LRRIQ1: variants seen among roughly 807,000 people sequenced by gnomAD.
LRRIQ1 encodes the protein leucine rich repeats and IQ motif containing 1.
In LRRIQ1, 210 loss-of-function variants were observed where a neutral mutation model predicts 211.9. The ratio of observed to expected loss-of-function variants is 0.99; its 90% CI spans 0.89 to 1.11. LRRIQ1 has a LOEUF of 1.11. Among genes scored for constraint, LRRIQ1 ranks in the 50% most tolerant of loss-of-function variants. The pLI, the probability that LRRIQ1 is intolerant of heterozygous loss-of-function variation, is 0.00. For synonymous variants in LRRIQ1, 699 were observed against 650.1 expected (o/e 1.08, Z -1.14); for missense variants, 2,136 against 1,939.5 (o/e 1.10, Z -1.90).
At chr12:85,240,543 G>A (rs902938147) in intron 26 of LRRIQ1, among the ~76,000 whole-genome samples, 2 of 151,964 alleles carry the variant, frequency 1.3e-5, no homozygotes, top group Non-Finnish European at 2.9e-5. Context: ...ACAAAAAACT[G>A]TACATAAACT....
At chr12:85,198,003 A>T (rs1565898569) in intron 24 of LRRIQ1, among the ~76,000 whole-genome samples, 1 of 59,214 alleles carries the variant, frequency 1.7e-5, no homozygotes, top group East Asian at 3.5e-4. Context: ...TATATATAAC[A>T]TATATAATAT....
rs1052409276 is a variant in LRRIQ1 at position 85,163,940 on chromosome 12, C to T, written c.4822+3226C>T. On this transcript the variant is annotated intron_variant, in intron 24 of 26. Coordinates refer to ENST00000393217, the MANE Select transcript of LRRIQ1 (RefSeq NM_001079910.2). ...TGACCACGCCTGTCCCCAGAGTCAC[C>T]TCATATATGTGCCATGTGTCACCTA... Among the ~76,000 whole-genome samples the T allele has an allele frequency of 1.1e-4, 17 of 152,154 alleles. No individual in the cohort carries two copies. The East Asian group carries it at 3.1e-3, about 28-fold the overall frequency.
chr12:85,231,917 A>G (rs1235902950), intron 25 of LRRIQ1, among the ~76,000 whole-genome samples: 1 of 152,198 alleles, frequency 6.6e-6, no homozygotes, highest in African/African-American at 2.4e-5. Context: ...CATAAGAGAA[A>G]GCATCCTTAG....
intron 24 of LRRIQ1, among the ~76,000 whole-genome samples, chr12:85,176,856 A>G (rs1453535833): frequency 2.0e-5 from 3 of 152,252 alleles, no homozygotes; most frequent in East Asian, 1.9e-4. Context: ...GCATTAAATT[A>G]CTTATGCCTA....
At chr12:85,190,028 A>G (rs1341353530) in intron 24 of LRRIQ1, among the ~76,000 whole-genome samples, 3 of 141,904 alleles carry the variant, frequency 2.1e-5, no homozygotes, top group Admixed American at 7.3e-5. Flanking sequence ...TTTTAATTAT[A>G]TATAATATAT....
At position 85,153,676 on chromosome 12, in the gene LRRIQ1, A is replaced by G. The variant is rs750245091; in HGVS notation, c.4555A>G (p.Thr1519Ala). 6.3e-7 allele frequency: 1 copy of G among 1,582,394 alleles called. No individual in the cohort carries two copies. The highest frequency in any genetic ancestry group is 8.6e-7 in the Non-Finnish European group (1 of 1,166,954). ...TTCTATTGCCAGATCAGAAAATAAA[A>G]CTTCTTCCTGGACACCTGAATCAAA... ...TQFNSRSENKTSSWTPESKTS... is the reference protein window; with the variant it reads ...TQFNSRSENKASSWTPESKTS... Residue 1519 changes from threonine to alanine, a missense_variant, in exon 22 of 27, where the codon ACT becomes GCT. Thr to Ala is a moderately conservative substitution (Grantham distance 58, BLOSUM62 0). Transcript: ENST00000393217.
chr12:85,135,546 G>A (rs925248922), intron 18 of LRRIQ1, among the ~76,000 whole-genome samples: 1 of 151,592 alleles, frequency 6.6e-6, no homozygotes, highest in African/African-American at 2.4e-5. Context: ...GTTATCCTAA[G>A]GTACAGTTCA....
chr12:85,154,025 A>G lies in LRRIQ1; in HGVS notation c.4651A>G (p.Ile1551Val), dbSNP rs1182305768. Residue 1551 changes from isoleucine to valine, a missense_variant, in exon 23 of 27, where the codon ATT becomes GTT. Physicochemically the swap from Ile to Val is conservative, Grantham distance 29. Coordinates refer to ENST00000393217, the MANE Select transcript of LRRIQ1 (RefSeq NM_001079910.2). ...KISEEWGFKDISTAQQMLKRA... is the reference protein window; with the variant it reads ...KISEEWGFKDVSTAQQMLKRA... ...ATCTTTTAATAGGGGCTTTAAGGATATTTCTACTGCTCAGCAAATGTTGAA... is the reference window on the plus strand; with the variant it reads ...ATCTTTTAATAGGGGCTTTAAGGATGTTTCTACTGCTCAGCAAATGTTGAA... 1.3e-6 allele frequency: 2 copies of G among 1,561,416 alleles called. No individual in the cohort carries two copies. The highest frequency in any genetic ancestry group is 1.7e-6 in the Non-Finnish European group (2 of 1,156,048).
chr12:85,062,015 T>C, intron 8 of LRRIQ1, among the ~76,000 whole-genome samples: 1 of 151,964 alleles, frequency 6.6e-6, no homozygotes, highest in East Asian at 1.9e-4. Flanking sequence ...TACATAAATA[T>C]GTAAATTTAA....
At position 85,124,493 on chromosome 12, in the gene LRRIQ1, C is replaced by T. The variant is rs1888227074; in HGVS notation, c.3981C>T (p.His1327=). 6.2e-7 allele frequency: 1 copy of T among 1,612,514 alleles called. No individual in the cohort carries two copies. The highest frequency in any genetic ancestry group is 8.5e-7 in the Non-Finnish European group (1 of 1,179,712). ...TGACAAATTCTTTGCTGAGGAATCA[C>T]CAAAATATTGAGCCTAGTGAAAAAA... ...VVMTNSLLRN[H]QNIEPSEKIM... Residue 1327 remains histidine (H), a synonymous_variant, in exon 17 of 27, where the codon CAC becomes CAT. Coordinates refer to ENST00000393217, the MANE Select transcript of LRRIQ1 (RefSeq NM_001079910.2).
chr12:85,196,309 A>C (rs970556813), intron 24 of LRRIQ1, among the ~76,000 whole-genome samples: 1 of 152,178 alleles, frequency 6.6e-6, no homozygotes, highest in Non-Finnish European at 1.5e-5. Flanking sequence ...CTTTCTTCAC[A>C]GAATTGGAAA....
chr12:85,189,806 CTG>C (rs1034870978), intron 24 of LRRIQ1, among the ~76,000 whole-genome samples: 9 of 144,062 alleles, frequency 6.2e-5, no homozygotes, highest in African/African-American at 2.3e-4. Context: ...ATATCTGTAA[CTG>C]TACAGTTAAT....
chr12:85,162,900 AGGCTTGGC>A, intron 24 of LRRIQ1: 1 of 396,404 alleles, frequency 2.5e-6, no homozygotes, highest in Admixed American at 3.5e-5. Context: ...GTTTAGGAAT[AGGCTTGGC>A]AAAAACAGTT....
At chr12:85,166,359 A>G (rs1891156205) in intron 24 of LRRIQ1, among the ~76,000 whole-genome samples, 1 of 152,176 alleles carries the variant, frequency 6.6e-6, no homozygotes, top group Non-Finnish European at 1.5e-5. Context: ...TGCTGTCATC[A>G]CTAACATGCT....
intron 24 of LRRIQ1, among the ~76,000 whole-genome samples, chr12:85,170,984 T>A (rs1202393415): frequency 6.6e-6 from 1 of 152,080 alleles, no homozygotes; most frequent in South Asian, 2.1e-4. Context: ...GTTTTTCATA[T>A]AAAATATCTG....
chr12:85,075,147 G>A (rs1883499626), intron 11 of LRRIQ1, among the ~76,000 whole-genome samples: 1 of 152,020 alleles, frequency 6.6e-6, no homozygotes, highest in Non-Finnish European at 1.5e-5. Context: ...CATGAGTTAG[G>A]TACTATTAAA....
At chr12:85,262,134 G>A (rs1343879792) in intron 1 of LRRIQ1, among the ~76,000 whole-genome samples, 1 of 152,134 alleles carries the variant, frequency 6.6e-6, no homozygotes, top group African/African-American at 2.4e-5. Flanking sequence ...GGGTCTTACT[G>A]AGTAAACATT....
At chr12:85,175,246 G>T (rs200386860) in intron 24 of LRRIQ1, among the ~76,000 whole-genome samples, 10 of 152,212 alleles carry the variant, frequency 6.6e-5, no homozygotes, top group Admixed American at 5.9e-4. Context: ...AAGAAGCAAA[G>T]GAATTTCATG....
At chr12:85,227,709 G>T (rs187790224) in intron 24 of LRRIQ1, among the ~76,000 whole-genome samples, 1 of 152,222 alleles carries the variant, frequency 6.6e-6, no homozygotes, top group Non-Finnish European at 1.5e-5. Flanking sequence ...AGCCCGCATT[G>T]CCAACACAAT....
Sources: gnomAD v4.1 joint callset for allele counts (sites outside exome capture counted in the v4.1 genomes callset) on GRCh38, gnomAD v4.1.1 for gene constraint, MANE v1.5 for transcripts, NCBI Gene and HGNC (gene_info 2026-07-23, HGNC 2026-07-21) for gene names.